SH3KBP1: variants seen among roughly 807,000 people sequenced by gnomAD.
SH3KBP1 encodes SH3 domain containing kinase binding protein 1, also known as SH3 domain-containing kinase-binding protein 1.
In SH3KBP1, 8 loss-of-function variants were observed where a neutral mutation model predicts 50.1. That is an observed-to-expected ratio of 0.16 (90% CI 0.09 to 0.29). SH3KBP1 has a LOEUF of 0.29. Ranked by LOEUF, SH3KBP1 falls within the 10% of genes least tolerant of loss-of-function variation. SH3KBP1 has a pLI of 1.00. For missense variants in SH3KBP1, 377 were observed against 535.2 expected (o/e 0.70, Z 2.92); for synonymous variants, 227 against 218.6 (o/e 1.04, Z -0.34).
intron 2 of SH3KBP1, among the ~76,000 whole-genome samples, chrX:19,769,040 C>T (rs1220342667): frequency 9.4e-6 from 1 of 106,460 alleles, no homozygotes; most frequent in Non-Finnish European, 1.9e-5. Context: ...TTTATAATAG[C>T]ATATTGAGCA....
chrX:19,747,569 G>A (rs2064952640), intron 2 of SH3KBP1: 1 of 338,215 alleles, frequency 3.0e-6, no homozygotes, highest in Non-Finnish European at 6.0e-6. Context: ...GACTAGGCCC[G>A]AGCAGAGGGC....
chrX:19,786,134 G>T (rs755857961), intron 2 of SH3KBP1, among the ~76,000 whole-genome samples: 2 of 111,842 alleles, frequency 1.8e-5, no homozygotes, highest in East Asian at 5.6e-4. Context: ...TGAGTTTAAT[G>T]TGATGAGCCA....
At chrX:19,668,975 T>TATATATATATATA (rs1569405153) in intron 6 of SH3KBP1, among the ~76,000 whole-genome samples, 21 of 66,585 alleles carry the variant, frequency 3.2e-4, no homozygotes, top group Middle Eastern at 6.9e-3. Context: ...TATATATATA[T>TATATATATATATA]TTTTTGAGAC....
At chrX:19,841,177 C>T (rs1473361030) in intron 1 of SH3KBP1, among the ~76,000 whole-genome samples, 2 of 111,020 alleles carry the variant, frequency 1.8e-5, no homozygotes, top group Admixed American at 9.6e-5. Flanking sequence ...GTGGTATATC[C>T]GTGGCCCTGC....
chrX:19,755,326 G>A (rs184473667), intron 2 of SH3KBP1, among the ~76,000 whole-genome samples: 408 of 111,906 alleles, frequency 3.6e-3, no homozygotes, highest in Non-Finnish European at 4.5e-3. Context: ...CCAAGATTGC[G>A]CCATCGGACT....
intron 3 of SH3KBP1, among the ~76,000 whole-genome samples, chrX:19,738,694 CA>C (rs1193680181): frequency 0.25 from 9,338 of 36,952 alleles, 438 homozygotes; most frequent in African/African-American, 0.35. Flanking sequence ...GTCAGCAATG[CA>C]AAAAAAAAAA....
At chrX:19,874,224 C>T (rs942242904) in intron 1 of SH3KBP1, among the ~76,000 whole-genome samples, 7 of 99,525 alleles carry the variant, frequency 7.0e-5, no homozygotes, top group African/African-American at 2.3e-4. Context: ...ATCTGAGGCA[C>T]GCAGCAATAC....
intron 1 of SH3KBP1, among the ~76,000 whole-genome samples, chrX:19,857,276 T>A (rs934415386): frequency 9.1e-6 from 1 of 110,339 alleles, no homozygotes; most frequent in African/African-American, 3.3e-5. Context: ...ACTATAAATA[T>A]GTGTTCTCTG....
intron 8 of SH3KBP1, among the ~76,000 whole-genome samples, 173 bp from the exon 9 acceptor site, chrX:19,608,218 C>T (rs1413549687): frequency 9.0e-6 from 1 of 111,538 alleles, no homozygotes; most frequent in Non-Finnish European, 1.9e-5. Flanking sequence ...AGCTTAAGTC[C>T]GCTTAACAAT....
At chrX:19,799,880 T>C (rs2066846359) in intron 2 of SH3KBP1, 2 of 916,657 alleles carry the variant, frequency 2.2e-6, no homozygotes, top group Non-Finnish European at 2.8e-6. Context: ...TTCTTTGCAC[T>C]TATTTCTGTC....
chrX:19,636,764 G>A (rs1187038945), intron 7 of SH3KBP1, among the ~76,000 whole-genome samples: 1 of 111,771 alleles, frequency 8.9e-6, no homozygotes, highest in Non-Finnish European at 1.9e-5. Flanking sequence ...ATATCAGCAA[G>A]CTGAACATAT....
intron 1 of SH3KBP1, among the ~76,000 whole-genome samples, chrX:19,855,130 G>A (rs2068611097): frequency 9.1e-6 from 1 of 110,431 alleles, no homozygotes; most frequent in Non-Finnish European, 1.9e-5. Context: ...TTACAGGTGC[G>A]CACCACCATG....
chrX:19,591,953 G>A, intron 11 of SH3KBP1, 114 bp downstream of exon 11: 1 of 595,778 alleles, frequency 1.7e-6, no homozygotes, highest in South Asian at 2.4e-5. Flanking sequence ...ACAAAACCAT[G>A]ATCACCATAT....
At chrX:19,855,806 A>G (rs1475034168) in intron 1 of SH3KBP1, among the ~76,000 whole-genome samples, 1 of 112,333 alleles carries the variant, frequency 8.9e-6, no homozygotes, top group Non-Finnish European at 1.9e-5. Context: ...GCTCACTGAC[A>G]CCGCAAACAT....
chrX:19,539,385 G>A (rs903610467), intron 16 of SH3KBP1, among the ~76,000 whole-genome samples: 2 of 111,866 alleles, frequency 1.8e-5, no homozygotes, highest in Admixed American at 9.5e-5. Flanking sequence ...ATATCACAAC[G>A]AATATGAACC....
intron 14 of SH3KBP1, among the ~76,000 whole-genome samples, chrX:19,547,178 C>G (rs1245572209): frequency 9.0e-6 from 1 of 110,612 alleles, no homozygotes; most frequent in African/African-American, 3.3e-5. Flanking sequence ...AATTCTGGAC[C>G]AATTCACTGG....
At chrX:19,537,691 G>A (rs184872839) in intron 17 of SH3KBP1, 26 bp downstream of exon 17, 169 of 1,192,220 alleles carry the variant, frequency 1.4e-4, no homozygotes, top group South Asian at 7.5e-4. Flanking sequence ...TAGGACTCAC[G>A]GGCAGCAGAA....
chrX:19,829,375 G>T (rs1333217872), intron 2 of SH3KBP1, among the ~76,000 whole-genome samples: 1 of 110,493 alleles, frequency 9.1e-6, no homozygotes, highest in Non-Finnish European at 1.9e-5. Flanking sequence ...ATTTCCTAGG[G>T]GGAGAGGAAT....
intron 3 of SH3KBP1, among the ~76,000 whole-genome samples, chrX:19,712,897 A>G (rs1468291313): frequency 9.0e-6 from 1 of 111,662 alleles, no homozygotes; most frequent in African/African-American, 3.3e-5. Flanking sequence ...ACGAGGAAAC[A>G]ATCATGCAAA....
Sources: allele counts gnomAD v4.1 joint callset (sites outside exome capture counted in the v4.1 genomes callset), GRCh38; gene constraint gnomAD v4.1.1; transcripts MANE v1.5; gene names NCBI Gene and HGNC (gene_info 2026-07-23, HGNC 2026-07-21).